TRAF3: variants seen among roughly 807,000 people sequenced by gnomAD.
TRAF3 encodes TNF receptor associated factor 3.
Under a neutral mutation model 62.3 loss-of-function variants are expected in TRAF3, and 13 were observed. That is an observed-to-expected ratio of 0.21 (90% CI 0.14 to 0.33). TRAF3 has a LOEUF of 0.33. Among genes scored for constraint, TRAF3 ranks in the 10% least tolerant of loss-of-function variants. The probability of loss-of-function intolerance (pLI) is 1.00; values close to 1 mark genes in which losing one functional copy is unlikely to be tolerated. For missense variants in TRAF3, 440 were observed against 741.8 expected (o/e 0.59, Z 4.73); for synonymous variants, 269 against 283.4 (o/e 0.95, Z 0.51).
chr14:102,879,699 T>G (rs1279804699), intron 6 of TRAF3, among the ~76,000 whole-genome samples: 1 of 151,742 alleles, frequency 6.6e-6, no homozygotes, highest in African/African-American at 2.4e-5. Flanking sequence ...CAATTACTTT[T>G]GCACCAACTA....
intron 1 of TRAF3, among the ~76,000 whole-genome samples, chr14:102,814,413 C>T (rs1048770333): frequency 2.0e-5 from 3 of 152,258 alleles, no homozygotes; most frequent in African/African-American, 7.2e-5. Flanking sequence ...ATTGCTTTGG[C>T]TATTTGGGGT....
chr14:102,845,693 T>G (rs1029058910), intron 2 of TRAF3, among the ~76,000 whole-genome samples: 7 of 151,716 alleles, frequency 4.6e-5, no homozygotes, highest in Non-Finnish European at 1.0e-4. Flanking sequence ...TTTTTTTGTA[T>G]TTTTAGTAGA....
chr14:102,850,286 G>T (rs1375436928), intron 2 of TRAF3, among the ~76,000 whole-genome samples: 2 of 152,138 alleles, frequency 1.3e-5, no homozygotes, highest in Non-Finnish European at 2.9e-5. Context: ...AATAATTAGA[G>T]ATGCCTTTCA....
rs1425219001 is a variant in TRAF3, at chr14:102,911,049, G to A, written c.*5265G>A. On this transcript the variant is annotated 3_prime_UTR_variant, in exon 12 of 12. Coordinates refer to ENST00000392745, the MANE Select transcript of TRAF3 (RefSeq NM_145725.3). ...CTCTTCTCTGCCGGTGCCTCTGTTC[G>A]GTTCTGTTACCCAAAAACAAAGACC... 1.3e-5 allele frequency: 2 copies of A among 152,168 alleles called. No homozygotes were observed. The highest frequency in any genetic ancestry group is 2.9e-5 in the Non-Finnish European group (2 of 68,034). 9.4% of individuals were successfully genotyped at this position (152,168 alleles called of 1,614,324 possible). A position where few individuals can be genotyped will look rare whatever the true frequency, so the allele number is the denominator to read the frequency against.
intron 1 of TRAF3, among the ~76,000 whole-genome samples, chr14:102,824,030 A>G (rs1225043570): frequency 6.6e-6 from 1 of 152,108 alleles, no homozygotes; most frequent in African/African-American, 2.4e-5. Context: ...GGTTGTTTCT[A>G]CTTTTTGGCT....
At chr14:102,822,971 A>G (rs1229856511) in intron 1 of TRAF3, among the ~76,000 whole-genome samples, 1 of 151,244 alleles carries the variant, frequency 6.6e-6, no homozygotes, top group Non-Finnish European at 1.5e-5. Context: ...ACGCCATTGC[A>G]CTCCAGCCTA....
intron 9 of TRAF3, among the ~76,000 whole-genome samples, chr14:102,892,066 T>TTTC (rs1889751832): frequency 6.6e-6 from 1 of 151,286 alleles, no homozygotes; most frequent in Non-Finnish European, 1.5e-5. Flanking sequence ...TTTTTTTTTT[T>TTTC]TTCCCCAAGA....
rs961522321 is a variant in TRAF3 at position 102,823,246 on chromosome 14, G to A, written c.-156-7088G>A. Among the ~76,000 whole-genome samples, 22 of 152,108 alleles carry A rather than the reference G, an allele frequency of 1.4e-4. 1 individual carries two copies. The highest frequency in any genetic ancestry group is 1.1e-3 in the Admixed American group (17 of 15,262). The stretch of plus-strand genomic sequence containing the variant: ...CATAGGCTTATTTTCGTTCTTGTGA[G>A]CATTATGTTGAGTTAATGTGTTTTC... On this transcript the variant is annotated intron_variant, in intron 1 of 11. Transcript: ENST00000392745.
chr14:102,862,184 A>G (rs1270045337), intron 2 of TRAF3, among the ~76,000 whole-genome samples: 4 of 152,078 alleles, frequency 2.6e-5, no homozygotes, highest in Non-Finnish European at 5.9e-5. Flanking sequence ...TTTCTAATAT[A>G]TTTTTTGGGG....
intron 1 of TRAF3, among the ~76,000 whole-genome samples, chr14:102,784,542 C>T (rs1182182548): frequency 6.6e-6 from 1 of 152,100 alleles, no homozygotes; most frequent in Admixed American, 6.6e-5. Context: ...CTTCTGATTC[C>T]AGCTAGGGTC....
chr14:102,901,559 G>A (rs542299225), intron 10 of TRAF3, among the ~76,000 whole-genome samples: 25 of 152,296 alleles, frequency 1.6e-4, no homozygotes, highest in African/African-American at 5.3e-4. Context: ...GACTTGGTGA[G>A]CTAATTAAAT....
chr14:102,850,903 A>G (rs1460965838), intron 2 of TRAF3, among the ~76,000 whole-genome samples: 2 of 152,074 alleles, frequency 1.3e-5, no homozygotes, highest in South Asian at 2.1e-4. Flanking sequence ...CTCTGTGTGG[A>G]AGCAAACATC....
intron 4 of TRAF3, among the ~76,000 whole-genome samples, chr14:102,875,378 T>C (rs1888584515): frequency 6.6e-6 from 1 of 152,240 alleles, no homozygotes; most frequent in Admixed American, 6.5e-5. Flanking sequence ...TTATCAAGTC[T>C]AATTCATTTT....
chr14:102,871,780 C>G (rs1479846480), intron 3 of TRAF3, 137 bp from the exon 4 acceptor site: 2 of 771,136 alleles, frequency 2.6e-6, no homozygotes, highest in African/African-American at 3.5e-5. Context: ...AGTGAATCAC[C>G]AGGGCGTCCT....
At chr14:102,816,142 G>T (rs1277866144) in intron 1 of TRAF3, among the ~76,000 whole-genome samples, 1 of 150,558 alleles carries the variant, frequency 6.6e-6, no homozygotes, top group Non-Finnish European at 1.5e-5. Context: ...TCACTCTGTT[G>T]CCCAGGCAGG....
At chr14:102,887,250 C>T (rs949355365) in intron 7 of TRAF3, among the ~76,000 whole-genome samples, 3 of 152,204 alleles carry the variant, frequency 2.0e-5, no homozygotes, top group African/African-American at 4.8e-5. Context: ...TCTAAGGAGC[C>T]GGCTCACCTT....
intron 9 of TRAF3, among the ~76,000 whole-genome samples, chr14:102,891,884 T>C (rs1474868487): frequency 6.6e-6 from 1 of 152,096 alleles, no homozygotes; most frequent in Non-Finnish European, 1.5e-5. Context: ...ACCTGGGTGG[T>C]TACCCCTCTA....
At chr14:102,780,023 TTC>T (rs1897208950) in intron 1 of TRAF3, among the ~76,000 whole-genome samples, 1 of 152,190 alleles carries the variant, frequency 6.6e-6, no homozygotes, top group African/African-American at 2.4e-5. Context: ...TCACTTGGTG[TTC>T]TTTTTTTGCA....
At chr14:102,794,427 C>T (rs907796503) in intron 1 of TRAF3, among the ~76,000 whole-genome samples, 17 of 152,238 alleles carry the variant, frequency 1.1e-4, no homozygotes, top group African/African-American at 3.6e-4. Context: ...AAACGATCCT[C>T]CCACCTTGGC....
Sources: allele counts gnomAD v4.1 joint callset (sites outside exome capture counted in the v4.1 genomes callset), GRCh38; gene constraint gnomAD v4.1.1; transcripts MANE v1.5; gene names NCBI Gene and HGNC (gene_info 2026-07-23, HGNC 2026-07-21).